The following NRP1 variants were observed in gnomAD, a reference collection of about 807,000 sequenced individuals.
NRP1 encodes the protein neuropilin 1.
A neutral mutation model predicts 106.7 loss-of-function variants in NRP1; 35 were observed. That is an observed-to-expected ratio of 0.33 (90% CI 0.25 to 0.43). The LOEUF (loss-of-function observed/expected upper bound fraction) is 0.43. Among genes scored for constraint, NRP1 ranks in the 20% least tolerant of loss-of-function variants. The pLI is 1.00. For synonymous variants in NRP1, 437 were observed against 417.9 expected (o/e 1.05, Z -0.56); for missense variants, 1,024 against 1,170.4 (o/e 0.87, Z 1.83).
chr10:33,308,752 G>C (rs1050912050), intron 2 of NRP1, among the ~76,000 whole-genome samples: 1 of 152,102 alleles, frequency 6.6e-6, no homozygotes, highest in African/African-American at 2.4e-5. Context: ...GCCTCCCAAA[G>C]TGCTGGGATT....
intron 6 of NRP1, among the ~76,000 whole-genome samples, chr10:33,253,285 G>C (rs1841989209): frequency 6.6e-6 from 1 of 152,144 alleles, no homozygotes. Context: ...GCGATGAGAG[G>C]GGGTAGATTA....
chr10:33,268,956 T>C (rs148720509), intron 3 of NRP1, among the ~76,000 whole-genome samples: 86 of 152,350 alleles, frequency 5.6e-4, no homozygotes, highest in African/African-American at 1.9e-3. Context: ...ATCTTTGAAA[T>C]GTAAAGAAGT....
intron 2 of NRP1, among the ~76,000 whole-genome samples, chr10:33,274,708 G>A (rs985784446): frequency 6.6e-6 from 1 of 152,110 alleles, no homozygotes; most frequent in Non-Finnish European, 1.5e-5. Flanking sequence ...CAACCCCCCA[G>A]GCTTCCGGAC....
rs752665390 is a variant in NRP1, at chr10:33,197,653, A to G, written c.1921T>C (p.Ser641Pro). The G allele has an allele frequency of 6.2e-7, 1 of 1,600,828 alleles. No individual in the cohort carries two copies. Among genetic ancestry groups the G allele is most frequent in the Non-Finnish European group, 8.5e-7 (1 of 1,173,344 alleles). ...CATTTCGTATTTTATTTGATACCTG[A>G]TTGTATGGTGCTGTCTATGACCGTG... The part of the protein sequence containing the change: ...KPTVIDSTIQ[S>P]EFPTYGFNCE... Residue 641 changes from serine to proline, a missense_variant, in exon 12 of 17, where the codon TCA (serine) becomes CCA (proline). Ser to Pro is a moderately conservative substitution (Grantham distance 74). This residue lies in a region of NRP1 where 562 missense variants were observed against 620.3 expected (regional missense o/e 0.91). Coordinates refer to ENST00000374867, the MANE Select transcript of NRP1 (RefSeq NM_003873.7).
chr10:33,197,666 G>A lies in NRP1; in HGVS notation c.1908C>T (p.Asp636=), dbSNP rs541897812. The change falls in exon 12 of 17, where the codon GAC becomes GAT. Residue 636 remains aspartate (D), a synonymous_variant. Transcript: ENST00000374867. ...VLATEKPTVI[D]STIQSEFPTY... Reference sequence around the variant, plus strand: ...ATTTGATACCTGATTGTATGGTGCTGTCTATGACCGTGGGCTTTTCTGTGG... The same window carrying A: ...ATTTGATACCTGATTGTATGGTGCTATCTATGACCGTGGGCTTTTCTGTGG... The A allele has an allele frequency of 2.5e-6, 4 of 1,606,880 alleles. No individual in the cohort carries two copies. Among genetic ancestry groups the A allele is most frequent in the African/African-American group, 1.3e-5 (1 of 74,920 alleles).
In NRP1 at chr10:33,287,782, G is replaced by A. The variant is rs116264245; in HGVS notation, c.249-16926C>T. On this transcript the variant is annotated intron_variant, in intron 2 of 16. Coordinates refer to ENST00000374867, the MANE Select transcript of NRP1 (RefSeq NM_003873.7). ...GAGTCAATGCCTCATCCTTGGGTCCGGACCTTGCTGCCTGTGACTAGGATA... is the reference window on the plus strand; with the variant it reads ...GAGTCAATGCCTCATCCTTGGGTCCAGACCTTGCTGCCTGTGACTAGGATA... 6.8e-3 allele frequency among the ~76,000 whole-genome samples: 1,037 copies of A among 152,276 alleles called. 11 individuals are homozygous for A. The highest frequency in any genetic ancestry group is 0.024 in the African/African-American group (980 of 41,530).
intron 3 of NRP1, among the ~76,000 whole-genome samples, chr10:33,270,375 A>G (rs1029295071): frequency 2.0e-5 from 3 of 148,372 alleles, no homozygotes; most frequent in Non-Finnish European, 4.4e-5. Flanking sequence ...TGCCCAGGCC[A>G]GAGTGCAATG....
intron 2 of NRP1, among the ~76,000 whole-genome samples, chr10:33,304,285 C>T (rs973383501): frequency 1.2e-4 from 19 of 152,160 alleles, no homozygotes; most frequent in Admixed American, 1.3e-4. Flanking sequence ...GAAATTCCCT[C>T]CCCCAGATGG....
At chr10:33,305,286 G>A (rs1350188756) in intron 2 of NRP1, among the ~76,000 whole-genome samples, 1 of 152,146 alleles carries the variant, frequency 6.6e-6, no homozygotes, top group African/African-American at 2.4e-5. Context: ...GACATCCTAG[G>A]AAAATAATAA....
chr10:33,319,149 C>T (rs191896495), intron 2 of NRP1, among the ~76,000 whole-genome samples: 3 of 151,376 alleles, frequency 2.0e-5, no homozygotes, highest in Non-Finnish European at 3.0e-5. Flanking sequence ...GGACTACAGG[C>T]GCCCGCCACC....
At chr10:33,242,956 G>A (rs1008800085) in intron 6 of NRP1, among the ~76,000 whole-genome samples, 17 of 152,114 alleles carry the variant, frequency 1.1e-4, no homozygotes, top group African/African-American at 3.1e-4. Flanking sequence ...GTCTTCTTAA[G>A]GAAGGAAGAA....
chr10:33,193,201 C>T (rs958501629), intron 12 of NRP1, among the ~76,000 whole-genome samples: 5 of 151,952 alleles, frequency 3.3e-5, no homozygotes, highest in South Asian at 2.1e-4. Context: ...AATGAATTCA[C>T]GGGAATGACT....
intron 6 of NRP1, among the ~76,000 whole-genome samples, chr10:33,232,378 T>G (rs1840208502): frequency 6.6e-6 from 1 of 152,210 alleles, no homozygotes; most frequent in African/African-American, 2.4e-5. Context: ...GCTTTATTTT[T>G]AATTAGAAGA....
chr10:33,284,432 G>C (rs1258074617), intron 2 of NRP1, among the ~76,000 whole-genome samples: 3 of 152,004 alleles, frequency 2.0e-5, no homozygotes, highest in African/African-American at 7.2e-5. Flanking sequence ...ATTATTTGGG[G>C]GCATATAAGT....
chr10:33,324,166 G>A (rs970338339), intron 2 of NRP1, among the ~76,000 whole-genome samples: 9 of 152,144 alleles, frequency 5.9e-5, no homozygotes, highest in Non-Finnish European at 1.2e-4. Context: ...AACACACGAG[G>A]CTCTGTTCAA....
At chr10:33,328,846 T>C (rs1435141036) in intron 2 of NRP1, among the ~76,000 whole-genome samples, 1 of 152,222 alleles carries the variant, frequency 6.6e-6, no homozygotes, top group African/African-American at 2.4e-5. Flanking sequence ...AACTAGTGAT[T>C]ATTCTGAATT....
At chr10:33,333,079 A>C (rs1388672183) in intron 1 of NRP1, among the ~76,000 whole-genome samples, 1 of 152,148 alleles carries the variant, frequency 6.6e-6, no homozygotes, top group East Asian at 1.9e-4. Flanking sequence ...ATGCTATTTC[A>C]TTCCCTGCCA....
In NRP1 at chr10:33,185,525, A is replaced by T. The variant is rs1021559815; in HGVS notation, c.2431+103T>A. On this transcript the variant is annotated intron_variant, in intron 15 of 16. Transcript: ENST00000374867. ...TTCCTATGATGTGCCGAGAGGCCAC[A>T]CCGAAATTCTAGGTAGAAATGAGCA... 9.6e-6 allele frequency: 8 copies of T among 834,608 alleles called. No individual in the cohort carries two copies. In the African/African-American group the frequency reaches 1.2e-4, roughly 12 times the overall value. The allele number at this position is 834,608 out of a possible 1,614,324, so 51.7% of individuals were successfully genotyped here.
intron 4 of NRP1, among the ~76,000 whole-genome samples, chr10:33,260,063 A>T (rs993040795): frequency 2.0e-5 from 3 of 152,062 alleles, no homozygotes; most frequent in Admixed American, 2.0e-4. Context: ...TCATCTCTCG[A>T]TGTTGCCCAA....
Sources: allele counts gnomAD v4.1 joint callset (sites outside exome capture counted in the v4.1 genomes callset), GRCh38; gene constraint gnomAD v4.1.1; regional missense constraint gnomAD v4.1.1; transcripts MANE v1.5; gene names NCBI Gene and HGNC (gene_info 2026-07-23, HGNC 2026-07-21).